ROCK1: variants seen among roughly 807,000 people sequenced by gnomAD.
ROCK1 encodes the protein Rho associated coiled-coil containing protein kinase 1, also known as rho-associated protein kinase 1.
In ROCK1, 36 loss-of-function variants were observed where a neutral mutation model predicts 196.8. The observed-to-expected ratio is 0.18, with a 90% CI of 0.14 to 0.24. The LOEUF is 0.24. Among genes scored for constraint, ROCK1 ranks in the 10% least tolerant of loss-of-function variants. The probability of loss-of-function intolerance (pLI) is 1.00; values close to 1 mark genes in which losing one functional copy is unlikely to be tolerated. For missense variants in ROCK1, 920 were observed against 1,562.0 expected (o/e 0.59, Z 6.93); for synonymous variants, 443 against 515.9 (o/e 0.86, Z 1.91).
intron 20 of ROCK1, 114 bp from the exon 21 acceptor site, chr18:20,982,946 T>G: frequency 3.6e-6 from 2 of 554,076 alleles, no homozygotes; most frequent in Non-Finnish European, 6.4e-6. Context: ...CAATCTTTAT[T>G]TTTTAAAAAC....
intron 5 of ROCK1, 45 bp downstream of exon 5, chr18:21,045,247 A>AT (rs2036145884): frequency 6.7e-7 from 1 of 1,486,694 alleles, no homozygotes; most frequent in African/African-American, 1.4e-5. Context: ...ATTTTTAGCT[A>AT]TTTCCCTCAA....
intron 8 of ROCK1, among the ~76,000 whole-genome samples, chr18:21,039,982 G>A (rs1280966386): frequency 2.0e-5 from 3 of 152,116 alleles, no homozygotes; most frequent in East Asian, 1.9e-4. Context: ...GCTTGAACCC[G>A]GGAGGCAGAG....
intron 1 of ROCK1, among the ~76,000 whole-genome samples, chr18:21,082,226 T>A (rs888868034): frequency 3.9e-5 from 6 of 152,018 alleles, no homozygotes; most frequent in African/African-American, 1.5e-4. Flanking sequence ...AGATTGTGAG[T>A]AGGCAGTATG....
intron 2 of ROCK1, among the ~76,000 whole-genome samples, chr18:21,059,871 G>A (rs2036273839): frequency 6.6e-6 from 1 of 152,158 alleles, no homozygotes; most frequent in African/African-American, 2.4e-5. Flanking sequence ...ATGAAATACT[G>A]ACACATGGTA....
intron 2 of ROCK1, among the ~76,000 whole-genome samples, chr18:21,051,212 C>T (rs2036201423): frequency 6.6e-6 from 1 of 152,174 alleles, no homozygotes; most frequent in Admixed American, 6.5e-5. Context: ...CTTTGGGAAG[C>T]TGAGGCAAGC....
intron 16 of ROCK1, among the ~76,000 whole-genome samples, chr18:21,001,643 T>C (rs2035725495): frequency 6.6e-6 from 1 of 151,982 alleles, no homozygotes. Context: ...CGCATGCCTG[T>C]AGTCCCAGCT....
At chr18:21,061,653 T>G (rs1371677409) in intron 2 of ROCK1, among the ~76,000 whole-genome samples, 1 of 152,186 alleles carries the variant, frequency 6.6e-6, no homozygotes, top group African/African-American at 2.4e-5. Flanking sequence ...GAATCCAGAT[T>G]CTAACAAATG....
chr18:20,958,413 C>G (rs1461730992), intron 29 of ROCK1, among the ~76,000 whole-genome samples: 15 of 152,030 alleles, frequency 9.9e-5, no homozygotes, highest in Admixed American at 2.0e-4. Context: ...TTTGCCTTTT[C>G]TCCTGCTAGT....
intron 1 of ROCK1, among the ~76,000 whole-genome samples, chr18:21,071,524 A>G (rs1366776288): frequency 6.6e-6 from 1 of 152,158 alleles, no homozygotes; most frequent in Non-Finnish European, 1.5e-5. Flanking sequence ...AAGCAAGTGC[A>G]TGGCAGTGTG....
intron 1 of ROCK1, among the ~76,000 whole-genome samples, chr18:21,101,558 G>C (rs1316272974): frequency 1.3e-5 from 2 of 152,154 alleles, no homozygotes; most frequent in Non-Finnish European, 2.9e-5. Flanking sequence ...AAAGTAAAAA[G>C]AAAAATCCAG....
intron 8 of ROCK1, among the ~76,000 whole-genome samples, chr18:21,040,380 T>C (rs149862609): frequency 5.4e-4 from 82 of 152,350 alleles, no homozygotes; most frequent in African/African-American, 1.9e-3. Flanking sequence ...CTACTAATTC[T>C]TGATACTGCC....
At chr18:20,957,512 G>A (rs1445848642) in intron 29 of ROCK1, among the ~76,000 whole-genome samples, 25 of 150,762 alleles carry the variant, frequency 1.7e-4, no homozygotes, top group Admixed American at 1.2e-3. Flanking sequence ...ATGGAGTCTC[G>A]CTCTGTCACC....
At chr18:21,058,330 G>A (rs936357200) in intron 2 of ROCK1, among the ~76,000 whole-genome samples, 7 of 151,782 alleles carry the variant, frequency 4.6e-5, no homozygotes, top group East Asian at 1.9e-4. Context: ...ATTATAAAAC[G>A]TACCATTACT....
intron 2 of ROCK1, among the ~76,000 whole-genome samples, chr18:21,068,775 T>C (rs529574521): frequency 6.6e-6 from 1 of 152,328 alleles, no homozygotes; most frequent in East Asian, 1.9e-4. Flanking sequence ...TTGCTTGTTG[T>C]TAATAAATGT....
chr18:20,980,502 G>A (rs1427595462), intron 21 of ROCK1, among the ~76,000 whole-genome samples: 1 of 152,138 alleles, frequency 6.6e-6, no homozygotes, highest in East Asian at 1.9e-4. Flanking sequence ...GGGCCATAAG[G>A]GAACTTTTTG....
intron 4 of ROCK1, 71 bp downstream of exon 4, chr18:21,049,020 AC>A (rs2036183264): frequency 7.5e-7 from 1 of 1,341,454 alleles, no homozygotes; most frequent in South Asian, 2.1e-5. Flanking sequence ...ATTCTAAAAC[AC>A]AAACTAAGCT....
intron 6 of ROCK1, 36 bp downstream of exon 6, chr18:21,044,066 A>C: frequency 7.5e-7 from 1 of 1,335,256 alleles, no homozygotes; most frequent in Non-Finnish European, 1.1e-6. Flanking sequence ...TCTACCTTGA[A>C]TTAGCAAAAA....
chr18:21,110,222 C>T (rs2143614697), intron 1 of ROCK1, among the ~76,000 whole-genome samples: 1 of 152,238 alleles, frequency 6.6e-6, no homozygotes, highest in Non-Finnish European at 1.5e-5. Context: ...ACCAATAATA[C>T]AATAAAATAA....
intron 2 of ROCK1, 77 bp from the exon 3 acceptor site, chr18:21,049,957 C>A: frequency 1.5e-6 from 1 of 655,288 alleles, no homozygotes; most frequent in South Asian, 2.4e-5. Context: ...CATTCGAGTT[C>A]TTAAGAAACA....
Sources: allele counts gnomAD v4.1 joint callset (sites outside exome capture counted in the v4.1 genomes callset), GRCh38; gene constraint gnomAD v4.1.1; transcripts MANE v1.5; gene names NCBI Gene and HGNC (gene_info 2026-07-23, HGNC 2026-07-21).